Variants in PRKAR2B observed in about 807,000 individuals in gnomAD.
The protein encoded by PRKAR2B is cAMP-dependent protein kinase type II-beta regulatory subunit.
PRKAR2B carries 14 observed loss-of-function variants against 49.9 expected under a neutral mutation model. The observed-to-expected ratio is 0.28, with a 90% confidence interval of 0.19 to 0.44. The LOEUF (loss-of-function observed/expected upper bound fraction) is 0.44. Ranked by LOEUF, PRKAR2B falls within the 20% of genes least tolerant of loss-of-function variation. PRKAR2B has a pLI of 1.00. For missense variants in PRKAR2B, 393 were observed against 537.9 expected, an observed-to-expected ratio of 0.73 and a Z score of 2.67; for synonymous variants, 196 against 197.7, an observed-to-expected ratio of 0.99 and a Z score of 0.07.
chr7:107,070,009 T>C (rs1039356102), intron 1 of PRKAR2B: 2 of 283,284 alleles, frequency 7.1e-6, no homozygotes, highest in Admixed American at 4.9e-5. Context: ...TTTATATGGT[T>C]CCCAGTTAAG....
rs75392150 is a variant in PRKAR2B at position 107,103,612 on chromosome 7, C to G, written c.344-18340C>G. ...GAAATTTAACAGGAAGTGAGACAGT[C>G]ACAGAGGCACTTGATAAACTCTACA... On this transcript the variant is annotated intron_variant, in intron 2 of 10. Coordinates refer to ENST00000265717, the MANE Select transcript of PRKAR2B (RefSeq NM_002736.3). Among the ~76,000 whole-genome samples the G allele has an allele frequency of 3.4e-3, 516 of 152,338 alleles. 3 individuals carry two copies. Among genetic ancestry groups the G allele is most frequent in the African/African-American group, 0.012 (490 of 41,578 alleles).
At chr7:107,104,659 A>C (rs1199733588) in intron 2 of PRKAR2B, among the ~76,000 whole-genome samples, 1 of 152,212 alleles carries the variant, frequency 6.6e-6, no homozygotes, top group African/African-American at 2.4e-5. Context: ...GCATTTTCAA[A>C]TAAATGAGGA....
intron 2 of PRKAR2B, among the ~76,000 whole-genome samples, chr7:107,092,069 A>G (rs1024860085): frequency 6.6e-6 from 1 of 152,160 alleles, no homozygotes; most frequent in Non-Finnish European, 1.5e-5. Flanking sequence ...GTAAGTTAAT[A>G]TGATGTTCAG....
intron 2 of PRKAR2B, among the ~76,000 whole-genome samples, chr7:107,111,947 G>T (rs2116824862): frequency 7.1e-6 from 1 of 141,558 alleles, no homozygotes; most frequent in Non-Finnish European, 1.5e-5. Flanking sequence ...CAGGAGGATT[G>T]CTTGAGCCGA....
chr7:107,099,716 C>T (rs889246736), intron 2 of PRKAR2B, among the ~76,000 whole-genome samples: 1 of 151,426 alleles, frequency 6.6e-6, no homozygotes, highest in African/African-American at 2.4e-5. Flanking sequence ...TCAGCTCACT[C>T]CAACCTCCGC....
intron 1 of PRKAR2B, among the ~76,000 whole-genome samples, chr7:107,050,149 G>A (rs1251368311): frequency 6.6e-6 from 1 of 152,042 alleles, no homozygotes; most frequent in Non-Finnish European, 1.5e-5. Context: ...AATGAAGTCA[G>A]AAGGGAAAGG....
At chr7:107,112,957 G>A (rs1014576853) in intron 2 of PRKAR2B, among the ~76,000 whole-genome samples, 16 of 152,028 alleles carry the variant, frequency 1.1e-4, no homozygotes. Context: ...AAATTTAGAA[G>A]CCAGTAATTA....
intron 2 of PRKAR2B, among the ~76,000 whole-genome samples, chr7:107,075,634 T>C (rs1222483958): frequency 1.3e-5 from 2 of 151,948 alleles, no homozygotes; most frequent in African/African-American, 4.8e-5. Context: ...TCTCGAGCTC[T>C]AGGGATCCAC....
intron 2 of PRKAR2B, among the ~76,000 whole-genome samples, chr7:107,119,262 C>A (rs1364582445): frequency 2.6e-5 from 4 of 152,140 alleles, no homozygotes; most frequent in African/African-American, 9.7e-5. Flanking sequence ...ATCTTGCCTA[C>A]TGCCTACTGC....
intron 1 of PRKAR2B, among the ~76,000 whole-genome samples, chr7:107,066,301 G>GGGTT (rs147673007): frequency 2.7e-5 from 4 of 145,512 alleles, no homozygotes; most frequent in African/African-American, 1.0e-4. Context: ...CTCTATGTGG[G>GGGTT]GTGTGTGTGT....
intron 3 of PRKAR2B, among the ~76,000 whole-genome samples, chr7:107,123,104 A>G (rs1795418757): frequency 6.6e-6 from 1 of 152,242 alleles, no homozygotes. Context: ...TGAAGACAAC[A>G]TGCTTCTTTA....
At chr7:107,070,814 T>G (rs1411157495) in intron 2 of PRKAR2B, among the ~76,000 whole-genome samples, 1 of 152,220 alleles carries the variant, frequency 6.6e-6, no homozygotes, top group Admixed American at 6.5e-5. Context: ...GTATAAGAAC[T>G]TGTCATTATG....
chr7:107,047,678 A>G (rs1297713726), intron 1 of PRKAR2B, among the ~76,000 whole-genome samples: 2 of 152,230 alleles, frequency 1.3e-5, no homozygotes, highest in Non-Finnish European at 2.9e-5. Context: ...CTGGCATAGT[A>G]AAGAATAAGG....
intron 2 of PRKAR2B, among the ~76,000 whole-genome samples, chr7:107,116,945 G>C (rs1012353421): frequency 6.8e-6 from 1 of 146,392 alleles, no homozygotes. Context: ...ATATATATGT[G>C]TGTGTGTGTG....
intron 8 of PRKAR2B, 136 bp downstream of exon 8, chr7:107,153,387 T>A (rs1381203843): frequency 5.7e-6 from 3 of 530,438 alleles, no homozygotes; most frequent in Non-Finnish European, 9.4e-6. Context: ...TTCTACCAAA[T>A]GACCTGTTAA....
chr7:107,045,528 C>T (rs1359797195), intron 1 of PRKAR2B, among the ~76,000 whole-genome samples: 1 of 152,192 alleles, frequency 6.6e-6, no homozygotes, highest in Non-Finnish European at 1.5e-5. Context: ...AGAAAGACAA[C>T]TTTCGCTGTG....
chr7:107,098,905 T>C (rs1351324737), intron 2 of PRKAR2B, among the ~76,000 whole-genome samples: 1 of 152,176 alleles, frequency 6.6e-6, no homozygotes, highest in Non-Finnish European at 1.5e-5. Context: ...CACCCAGCTG[T>C]ATGAGGTGTC....
chr7:107,082,963 A>G (rs1015671532), intron 2 of PRKAR2B, among the ~76,000 whole-genome samples: 1 of 152,180 alleles, frequency 6.6e-6, no homozygotes, highest in Non-Finnish European at 1.5e-5. Flanking sequence ...GAAGTGTCTT[A>G]GATGGAGGTT....
intron 1 of PRKAR2B, among the ~76,000 whole-genome samples, chr7:107,067,842 T>C (rs1794185144): frequency 6.6e-6 from 1 of 152,274 alleles, no homozygotes; most frequent in Non-Finnish European, 1.5e-5. Context: ...CATTGTGTTG[T>C]AGAAAATTTG....
Sources: allele counts gnomAD v4.1 joint callset (sites outside exome capture counted in the v4.1 genomes callset), GRCh38; gene constraint gnomAD v4.1.1; transcripts MANE v1.5; gene names NCBI Gene and HGNC (gene_info 2026-07-23, HGNC 2026-07-21).